SHISA9: variants seen among roughly 807,000 people sequenced by gnomAD.
SHISA9 encodes shisa family member 9, also known as protein shisa-9.
A neutral mutation model predicts 38.0 loss-of-function variants in SHISA9; 13 were observed. The observed-to-expected ratio is 0.34, with a 90% CI of 0.22 to 0.54. The LOEUF (loss-of-function observed/expected upper bound fraction) is 0.54, where lower values mean the gene tolerates loss of function less well. Among genes scored for constraint, SHISA9 ranks in the 20% least tolerant of loss-of-function variants. The pLI is 0.91. For synonymous variants in SHISA9, 275 were observed against 242.0 expected, an observed-to-expected ratio of 1.14 and a Z score of -1.27; for missense variants, 538 against 575.8, an observed-to-expected ratio of 0.93 and a Z score of 0.67.
intron 2 of SHISA9, among the ~76,000 whole-genome samples, chr16:13,078,806 A>C (rs1455172499): frequency 6.6e-6 from 1 of 152,194 alleles, no homozygotes; most frequent in Non-Finnish European, 1.5e-5. Flanking sequence ...TGTTTGATGG[A>C]GTCCATGTCT....
At chr16:13,313,782 A>T in the SHISA9 span, among the ~76,000 whole-genome samples, 44 of 152,268 alleles carry the variant, frequency 2.9e-4, no homozygotes, top group Non-Finnish European at 4.8e-4. Flanking sequence ...ATGCCAAATT[A>T]TCTACAGCTC....
At chr16:12,957,061 T>A (rs932362373) in intron 2 of SHISA9, among the ~76,000 whole-genome samples, 1 of 151,874 alleles carries the variant, frequency 6.6e-6, no homozygotes, top group Non-Finnish European at 1.5e-5. Context: ...TTTTGGAGAG[T>A]ATTCATCTAC....
chr16:12,972,976 C>G (rs7200826), intron 2 of SHISA9, among the ~76,000 whole-genome samples: 1 of 151,886 alleles, frequency 6.6e-6, no homozygotes, highest in African/African-American at 2.4e-5. Context: ...ATTAGCCAGG[C>G]GTGGTGGTGG....
At chr16:13,275,258 G>A in the SHISA9 span, among the ~76,000 whole-genome samples, 1 of 152,062 alleles carries the variant, frequency 6.6e-6, no homozygotes, top group Non-Finnish European at 1.5e-5. Context: ...ATATTTTAAT[G>A]TAATTGAGAT....
the SHISA9 span, among the ~76,000 whole-genome samples, chr16:13,432,457 G>A: frequency 6.6e-6 from 1 of 152,238 alleles, no homozygotes; most frequent in Admixed American, 6.5e-5. Context: ...TCAAACGGAG[G>A]GTGATATTCT....
At chr16:13,124,278 G>A (rs1057057980) in intron 2 of SHISA9, among the ~76,000 whole-genome samples, 13 of 152,182 alleles carry the variant, frequency 8.5e-5, no homozygotes, top group Non-Finnish European at 1.8e-4. Flanking sequence ...TGTCTAAATG[G>A]GGGGATAATG....
chr16:13,373,492 G>A, the SHISA9 span, among the ~76,000 whole-genome samples: 1 of 152,202 alleles, frequency 6.6e-6, no homozygotes, highest in Non-Finnish European at 1.5e-5. Flanking sequence ...GCTGGGCGTG[G>A]TGGCTCACGC....
the SHISA9 span, among the ~76,000 whole-genome samples, chr16:13,526,279 G>A: frequency 1.3e-5 from 2 of 152,200 alleles, no homozygotes; most frequent in African/African-American, 2.4e-5. Flanking sequence ...CCAGAGCTTT[G>A]TCAATGTTGG....
At chr16:13,167,072 C>CTTTTTTTTTTT (rs11372669) in intron 2 of SHISA9, among the ~76,000 whole-genome samples, 2 of 124,424 alleles carry the variant, frequency 1.6e-5, no homozygotes, top group African/African-American at 3.0e-5. Flanking sequence ...TCTCTTTTTT[C>CTTTTTTTTTTT]TTTTTTTTTT....
chr16:13,224,872 C>T (rs1255063017), intron 4 of SHISA9, among the ~76,000 whole-genome samples: 1 of 151,990 alleles, frequency 6.6e-6, no homozygotes, highest in African/African-American at 2.4e-5. Flanking sequence ...GTCCAAAGGT[C>T]CTGAGATGGT....
At chr16:13,481,516 C>T in the SHISA9 span, among the ~76,000 whole-genome samples, 1 of 152,188 alleles carries the variant, frequency 6.6e-6, no homozygotes, top group African/African-American at 2.4e-5. Flanking sequence ...CTGCTTCCAC[C>T]ACAGCCTCCT....
At chr16:13,383,486 C>A in the SHISA9 span, among the ~76,000 whole-genome samples, 1 of 152,084 alleles carries the variant, frequency 6.6e-6, no homozygotes, top group Non-Finnish European at 1.5e-5. Context: ...CAAATGAGTG[C>A]TTATATGCGT....
At chr16:13,271,263 T>C in the SHISA9 span, among the ~76,000 whole-genome samples, 1 of 152,152 alleles carries the variant, frequency 6.6e-6, no homozygotes, top group African/African-American at 2.4e-5. Flanking sequence ...ACATTACCTG[T>C]TGGACTCTGT....
the SHISA9 span, among the ~76,000 whole-genome samples, chr16:13,282,473 G>C: frequency 2.0e-5 from 3 of 151,648 alleles, no homozygotes; most frequent in Admixed American, 2.0e-4. Context: ...TCCTGAGTGT[G>C]GTTATATTTA....
chr16:12,931,384 G>A (rs545040822), intron 2 of SHISA9, among the ~76,000 whole-genome samples: 7 of 152,186 alleles, frequency 4.6e-5, no homozygotes, highest in Non-Finnish European at 8.8e-5. Flanking sequence ...CTGTCACCCA[G>A]GTGGTGAGCA....
intron 1 of SHISA9, among the ~76,000 whole-genome samples, chr16:12,914,637 C>T (rs2071230580): frequency 6.6e-6 from 1 of 152,146 alleles, no homozygotes; most frequent in Admixed American, 6.5e-5. Context: ...CACTAGTCCA[C>T]GTAAAGTCCC....
At position 13,227,778 on chromosome 16, in the gene SHISA9, G is replaced by T. The variant is rs984742792; in HGVS notation, c.896-7252G>T. 5.3e-5 allele frequency among the ~76,000 whole-genome samples: 8 copies of T among 152,096 alleles called. 1 individual carries two copies. The highest frequency in any genetic ancestry group is 4.6e-4 in the Admixed American group (7 of 15,258). The stretch of plus-strand genomic sequence containing the variant: ...CCAACTCCCTCCTGATCAGATCAAG[G>T]CCCCTTTGTGTGCCCTTTCATGGAG... On this transcript the variant is annotated intron_variant, in intron 4 of 4. Coordinates refer to ENST00000558583, the MANE Select transcript of SHISA9 (RefSeq NM_001145204.3).
chr16:13,289,005 C>T, the SHISA9 span, among the ~76,000 whole-genome samples: 1 of 152,048 alleles, frequency 6.6e-6, no homozygotes, highest in Non-Finnish European at 1.5e-5. Context: ...ACAATTCTGT[C>T]CACAGCAGTT....
chr16:13,521,359 T>C, the SHISA9 span, among the ~76,000 whole-genome samples: 2 of 152,242 alleles, frequency 1.3e-5, no homozygotes, highest in Non-Finnish European at 2.9e-5. Flanking sequence ...TTAGTCATTC[T>C]ATTTTTTCCA....
Sources: gnomAD v4.1 joint callset for allele counts (sites outside exome capture counted in the v4.1 genomes callset) on GRCh38, gnomAD v4.1.1 for gene constraint, MANE v1.5 for transcripts, NCBI Gene and HGNC (gene_info 2026-07-23, HGNC 2026-07-21) for gene names.